The following PPP1R13L variants were observed in gnomAD, a reference collection of about 807,000 sequenced individuals.
PPP1R13L encodes the protein relA-associated inhibitor.
PPP1R13L carries 50 observed loss-of-function variants against 80.9 expected under a neutral mutation model. The observed-to-expected ratio is 0.62, with a 90% CI of 0.49 to 0.78. The LOEUF (loss-of-function observed/expected upper bound fraction) is 0.78, where lower values mean the gene tolerates loss of function less well. Ranked by LOEUF, PPP1R13L falls within the 30% of genes least tolerant of loss-of-function variation. The probability of loss-of-function intolerance (pLI) is 0.00; values close to 1 mark genes in which losing one functional copy is unlikely to be tolerated. For synonymous variants in PPP1R13L, 602 were observed against 534.3 expected, an observed-to-expected ratio of 1.13 and a Z score of -1.75; for missense variants, 1,200 against 1,205.9, an observed-to-expected ratio of 1.00 and a Z score of 0.07.
chr19:45,390,379 C>T (rs1011470730), intron 8 of PPP1R13L, among the ~76,000 whole-genome samples: 2 of 152,178 alleles, frequency 1.3e-5, no homozygotes, highest in African/African-American at 4.8e-5. Flanking sequence ...CTTGGCGCCA[C>T]CATCTGGTCC....
chr19:45,396,056 G>C lies in PPP1R13L; in HGVS notation c.903+112C>G. ...CACAGTGAAGGGAGAGCGTGGGAAC[G>C]GGCGCCGAGACCCAGATCGCAGCCC... is the stretch of plus-strand genomic sequence containing the variant. On this transcript the variant is annotated intron_variant, in intron 6 of 12. Transcript: ENST00000360957. This position sits in a 1 kb window ranked among gnomAD's most constrained non-coding sequence, Gnocchi z 5.3. 1 of 1,340,826 alleles carries C rather than the reference G, an allele frequency of 7.5e-7. No homozygotes were observed. Among genetic ancestry groups the C allele is most frequent in the South Asian group, 1.4e-5 (1 of 73,754 alleles). 83.1% of individuals were successfully genotyped at this position (1,340,826 alleles called of 1,614,324 possible). A position where few individuals can be genotyped will look rare whatever the true frequency, so the allele number is the denominator to read the frequency against.
intron 1 of PPP1R13L, among the ~76,000 whole-genome samples, chr19:45,399,510 G>A (rs1465394180): frequency 6.6e-6 from 1 of 151,358 alleles, no homozygotes; most frequent in Non-Finnish European, 1.5e-5. Context: ...TGTAGTCCCA[G>A]CTACTCGGGA....
chr19:45,398,585 C>CTTTTTTTTTTTTTTTTTTT (rs113649282), intron 1 of PPP1R13L, among the ~76,000 whole-genome samples: 11 of 136,520 alleles, frequency 8.1e-5, no homozygotes, highest in African/African-American at 8.4e-5. Context: ...TTTTTCTTTT[C>CTTTTTTTTTTTTTTTTTTT]TTTTTTTTTT....
At position 45,386,042 on chromosome 19, in the gene PPP1R13L, C is replaced by A. The variant is rs766992636; in HGVS notation, c.1947+7G>T. 33 of 1,588,648 alleles carry A rather than the reference C, an allele frequency of 2.1e-5. No individual in the cohort carries two copies. Among genetic ancestry groups the A allele is most frequent in the South Asian group, 7.9e-5 (7 of 88,288 alleles). Reference sequence around the variant, plus strand: ...GCCGTGCCCACCTCCCGCTCAGCAGCGCTCACCTCCTTCACCGCCTGCTGC... The same window carrying A: ...GCCGTGCCCACCTCCCGCTCAGCAGAGCTCACCTCCTTCACCGCCTGCTGC... On this transcript the variant is annotated splice_region_variant and intron_variant, in intron 9 of 12. Transcript: ENST00000360957.
Position 45,399,491 on chromosome 19 carries a change from AT to A in PPP1R13L, c.-21-1153del, listed in dbSNP as rs1568562974. ...TACCAAAAATTAGCCAGGCGTGGTGATGGACGCCTGTAGTCCCAGCTACTCG... is the reference window on the plus strand; with the variant it reads ...TACCAAAAATTAGCCAGGCGTGGTGAGGACGCCTGTAGTCCCAGCTACTCG... On this transcript the variant is annotated intron_variant, in intron 1 of 12. Transcript: ENST00000360957. Among the ~76,000 whole-genome samples, 73 of 150,086 alleles carry A rather than the reference AT, an allele frequency of 4.9e-4. 1 individual carries two copies. The highest frequency in any genetic ancestry group is 2.3e-3 in the Admixed American group (35 of 15,002).
chr19:45,395,677 G>A lies in PPP1R13L; in HGVS notation c.1113C>T (p.Pro371=), dbSNP rs1973070221. The stretch of plus-strand genomic sequence containing the variant: ...TCTGCAGCTTGAAGATCATGCTGAG[G>A]GGGATGGGACGCTGGCGCGGGGCCC... ...PRGAPRQRPI[P]LSMIFKLQNA... is the part of the protein sequence containing the mutation. The change falls in exon 7 of 13, where the codon CCC becomes CCT. Residue 371 remains proline (P), a synonymous_variant. Transcript: ENST00000360957. 6.8e-7 allele frequency: 1 copy of A among 1,461,990 alleles called. No homozygotes were observed. The highest frequency in any genetic ancestry group is 9.0e-7 in the Non-Finnish European group (1 of 1,116,286). The allele number at this position is 1,461,990 out of a possible 1,614,324, so 90.6% of individuals were successfully genotyped here. A position where few individuals can be genotyped will look rare whatever the true frequency, so the allele number is the denominator to read the frequency against.
rs774399244 is a variant in PPP1R13L, at chr19:45,382,587, G to A, written c.2388C>T (p.Thr796=). The change falls in exon 12 of 13, where the codon ACC becomes ACT. Residue 796 remains threonine (T), a synonymous_variant. Coordinates refer to ENST00000360957, the MANE Select transcript of PPP1R13L (RefSeq NM_006663.4). The stretch of plus-strand genomic sequence containing the variant: ...CGTGCAGCGCGGCCCACCACCAGTC[G>A]GTCTCCTCCGGCCCGTCCCTCCGCA... The part of the protein sequence containing the change: ...TVLRRDGPEE[T]DWWWAALHGQ... 1.4e-5 allele frequency: 22 copies of A among 1,613,398 alleles called. No individual in the cohort carries two copies. In the African/African-American group the frequency reaches 1.9e-4, roughly 14 times the overall value.
intron 11 of PPP1R13L, among the ~76,000 whole-genome samples, chr19:45,384,057 C>T (rs567944972): frequency 5.9e-5 from 9 of 151,922 alleles, no homozygotes; most frequent in Admixed American, 2.0e-4. Flanking sequence ...TGAGCCACCG[C>T]GCCTGGCTTT....
chr19:45,395,762 G>A lies in PPP1R13L; in HGVS notation c.1028C>T (p.Pro343Leu), dbSNP rs1397306814. Residue 343 changes from proline (P) to leucine (L), a missense_variant, in exon 7 of 13, where the codon CCT becomes CTT. Pro to Leu is a moderately conservative substitution (Grantham distance 98, BLOSUM62 -3). Transcript: ENST00000360957. Reference protein sequence around the residue: ...LGSAGPSGTLPRSWQPVSRIP... With the variant: ...LGSAGPSGTLLRSWQPVSRIP... ...GCGGCTGACGGGCTGCCAGCTGCGA[G>A]GCAAAGTGCCCGACGGCCCCGCGGA... 1 of 1,546,560 alleles carries A rather than the reference G, an allele frequency of 6.5e-7. No homozygotes were observed. The highest frequency in any genetic ancestry group is 8.7e-7 in the Non-Finnish European group (1 of 1,151,508).
At chr19:45,390,017 T>A (rs1012728270) in intron 8 of PPP1R13L, among the ~76,000 whole-genome samples, 3 of 151,962 alleles carry the variant, frequency 2.0e-5, no homozygotes, top group Non-Finnish European at 2.9e-5. Context: ...TGGTCTTATC[T>A]CCTGACTTCG....
rs1381239135 is a variant in PPP1R13L at position 45,385,656 on chromosome 19, T to C, written c.2154A>G (p.Ala718=). Residue 718 remains alanine (A), a synonymous_variant, in exon 11 of 13, where the codon GCA becomes GCG. Transcript: ENST00000360957. ...ICMALVQHGA[A]IFATTLSDGA... is the part of the protein sequence containing the mutation. The stretch of plus-strand genomic sequence containing the variant: ...CGTCGCTGAGCGTGGTGGCGAAGAT[T>C]GCAGCGCCGTGCTGCACCAGCGCCA... The C allele has an allele frequency of 1.2e-6, 2 of 1,613,048 alleles. No homozygotes were observed. The highest frequency in any genetic ancestry group is 1.7e-5 in the Admixed American group (1 of 59,990).
At chr19:45,382,992 C>CTT (rs1972794312) in intron 11 of PPP1R13L, among the ~76,000 whole-genome samples, 1 of 88,634 alleles carries the variant, frequency 1.1e-5, no homozygotes, top group Non-Finnish European at 2.1e-5. Flanking sequence ...CATTTCTTTT[C>CTT]TTTCTTTTTT....
chr19:45,387,621 C>T (rs1297011716), intron 8 of PPP1R13L, among the ~76,000 whole-genome samples: 1 of 152,134 alleles, frequency 6.6e-6, no homozygotes, highest in African/African-American at 2.4e-5. Flanking sequence ...GTGGTGCGAT[C>T]TCAGCTCACT....
At chr19:45,388,406 T>C (rs1972908971) in intron 8 of PPP1R13L, among the ~76,000 whole-genome samples, 1 of 151,886 alleles carries the variant, frequency 6.6e-6, no homozygotes, top group Non-Finnish European at 1.5e-5. Flanking sequence ...GAGAACTGTC[T>C]CTACTGAAAA....
At chr19:45,397,464 CTCTCTCTCTCTT>C (rs1183310353) in intron 3 of PPP1R13L, among the ~76,000 whole-genome samples, 147 of 101,702 alleles carry the variant, frequency 1.4e-3, no homozygotes, top group African/African-American at 3.3e-3. Context: ...TGCTTGCTTT[CTCTCTCTCTCTT>C]TCTTTCTTTC....
Position 45,395,862 on chromosome 19 carries a change from G to A in PPP1R13L, c.928C>T (p.Pro310Ser). 1 of 1,594,974 alleles carries A rather than the reference G, an allele frequency of 6.3e-7. No individual in the cohort carries two copies. The highest frequency in any genetic ancestry group is 8.5e-7 in the Non-Finnish European group (1 of 1,172,104). The change falls in exon 7 of 13, where the codon CCG becomes TCG. Residue 310 changes from proline (P) to serine (S), a missense_variant. This residue lies in a region of PPP1R13L where 764 missense variants were observed against 714.5 expected (regional missense o/e 1.07). Transcript: ENST00000360957. ...AGAGGAGAGACCTTGTAATTGCGCGGCAGGGTGGCGCTAGTGAGGTTGTCC... is the reference window on the plus strand; with the variant it reads ...AGAGGAGAGACCTTGTAATTGCGCGACAGGGTGGCGCTAGTGAGGTTGTCC... ...GKDNLTSATL[P>S]RNYKVSPLAS...
chr19:45,390,663 C>G (rs1369822370), intron 8 of PPP1R13L, among the ~76,000 whole-genome samples: 1 of 152,158 alleles, frequency 6.6e-6, no homozygotes, highest in African/African-American at 2.4e-5. Context: ...ATAAAAACCT[C>G]TTCCTTCTTT....
intron 8 of PPP1R13L, among the ~76,000 whole-genome samples, chr19:45,390,013 T>G (rs1264974140): frequency 1.3e-5 from 2 of 151,954 alleles, no homozygotes; most frequent in Non-Finnish European, 2.9e-5. Flanking sequence ...AGGATGGTCT[T>G]ATCTCCTGAC....
In PPP1R13L at chr19:45,380,089, G is replaced by T; in HGVS notation, c.*101C>A. On this transcript the variant is annotated 3_prime_UTR_variant, in exon 13 of 13. Coordinates refer to ENST00000360957, the MANE Select transcript of PPP1R13L (RefSeq NM_006663.4). ...GGTGGCAAGGACCACCACCAGCAGG[G>T]TGAGGGGTGCAGATAAAGGCAGCAA... 1.5e-6 allele frequency: 2 copies of T among 1,332,718 alleles called. No homozygotes were observed. The highest frequency in any genetic ancestry group is 2.1e-6 in the Non-Finnish European group (2 of 935,506). 82.6% of individuals were successfully genotyped at this position (1,332,718 alleles called of 1,614,324 possible).
Sources: allele counts gnomAD v4.1 joint callset (sites outside exome capture counted in the v4.1 genomes callset), GRCh38; gene constraint gnomAD v4.1.1; regional missense constraint gnomAD v4.1.1; non-coding constraint Gnocchi (gnomAD v3.1); transcripts MANE v1.5; gene names NCBI Gene and HGNC (gene_info 2026-07-23, HGNC 2026-07-21).